The following RNASEL variants were observed in gnomAD, a reference collection of about 807,000 sequenced individuals.
The protein encoded by RNASEL is ribonuclease L, also known as 2-5A-dependent ribonuclease.
A neutral mutation model predicts 50.9 loss-of-function variants in RNASEL; 36 were observed. That is an observed-to-expected ratio of 0.71 (90% confidence interval 0.54 to 0.93). The LOEUF is 0.93. RNASEL is among the 40% of genes least tolerant of loss of function. The probability of loss-of-function intolerance (pLI) is 0.00; values close to 1 mark genes in which losing one functional copy is unlikely to be tolerated. For synonymous variants in RNASEL, 335 were observed against 335.6 expected (o/e 1.00, Z 0.02); for missense variants, 860 against 894.5 (o/e 0.96, Z 0.49).
Position 182,575,464 on chromosome 1 carries a change from T to C in RNASEL, c.2154A>G (p.Gln718=), listed in dbSNP as rs138303340. 5 of 1,614,070 alleles carry C rather than the reference T, an allele frequency of 3.1e-6. No homozygotes were observed. The African/African-American group carries it at 5.3e-5, about 17-fold the overall frequency. ...QNTEYRKHFP[Q]THSPNKPQCD... is the part of the protein sequence containing the mutation. ...ACTGAGGCTTGTTTGGACTGTGGGTTTGGGGGAAATGCTTTCTATATTCTG... is the reference window on the plus strand; with the variant it reads ...ACTGAGGCTTGTTTGGACTGTGGGTCTGGGGGAAATGCTTTCTATATTCTG... Residue 718 remains glutamine (Q), a synonymous_variant, in exon 7 of 7, where the codon CAA becomes CAG. Coordinates refer to ENST00000367559, the MANE Select transcript of RNASEL (RefSeq NM_021133.4).
chr1:182,580,482 G>C (rs1206101178), intron 5 of RNASEL, among the ~76,000 whole-genome samples: 3 of 152,244 alleles, frequency 2.0e-5, no homozygotes, highest in African/African-American at 7.2e-5. Context: ...ACATGTCCCT[G>C]GGATGCCCAG....
rs1355792230 is a variant in RNASEL at position 182,589,230 on chromosome 1, GC to G, written c.-229del. ...CGCAAAGCCTGGAAGACTGCTTGCAGCCCGAGCAGTTTCCTCCTGCTGCGTC... is the reference window on the plus strand; with the variant it reads ...CGCAAAGCCTGGAAGACTGCTTGCAGCCGAGCAGTTTCCTCCTGCTGCGTC... On this transcript the variant is annotated 5_prime_UTR_variant, in exon 1 of 7. Transcript: ENST00000367559. 4 of 152,288 alleles carry G rather than the reference GC, an allele frequency of 2.6e-5. No individual in the cohort carries two copies. In the East Asian group the frequency reaches 5.8e-4, roughly 22 times the overall value. 9.4% of individuals were successfully genotyped at this position (152,288 alleles called of 1,614,324 possible). A position where few individuals can be genotyped will look rare whatever the true frequency, so the allele number is the denominator to read the frequency against.
At chr1:182,575,656 T>A in intron 6 of RNASEL, 78 bp from the exon 7 acceptor site, 2 of 1,554,298 alleles carry the variant, frequency 1.3e-6, no homozygotes, top group East Asian at 2.3e-5. Context: ...GCCCTGAAGA[T>A]CTCTTTGCTC....
intron 4 of RNASEL, 43 bp from the exon 5 acceptor site, chr1:182,581,400 C>T (rs753526867): frequency 4.3e-6 from 7 of 1,612,370 alleles, no homozygotes; most frequent in Non-Finnish European, 5.9e-6. Flanking sequence ...ATCATCCCAT[C>T]CCTCCCTTTC....
chr1:182,575,476 C>T lies in RNASEL; in HGVS notation c.2142G>A (p.Lys714=). ...TTGGACTGTGGGTTTGGGGGAAATGCTTTCTATATTCTGTGTTCTGTAGTT... is the reference window on the plus strand; with the variant it reads ...TTGGACTGTGGGTTTGGGGGAAATGTTTTCTATATTCTGTGTTCTGTAGTT... ...YTKLQNTEYR[K]HFPQTHSPNK... Residue 714 remains lysine, a synonymous_variant, in exon 7 of 7, where the codon AAG becomes AAA. Transcript: ENST00000367559. The T allele has an allele frequency of 1.2e-6, 2 of 1,614,186 alleles. No homozygotes were observed. Among genetic ancestry groups the T allele is most frequent in the Non-Finnish European group, 1.7e-6 (2 of 1,180,020 alleles).
chr1:182,577,532 A>C (rs1299058115), intron 5 of RNASEL, among the ~76,000 whole-genome samples: 1 of 152,170 alleles, frequency 6.6e-6, no homozygotes, highest in Admixed American at 6.5e-5. Flanking sequence ...AGGAATAACT[A>C]ATATTGTTAA....
In RNASEL at chr1:182,574,033, CA is replaced by C; in HGVS notation, c.*1358del. Reference sequence around the variant, plus strand: ...TTTCTAACCTTAGTTTCCTCATCAGCAAAATAGGGATAACAATGTTGACCTT... The same window carrying C: ...TTTCTAACCTTAGTTTCCTCATCAGCAAATAGGGATAACAATGTTGACCTT... On this transcript the variant is annotated 3_prime_UTR_variant, in exon 7 of 7. Coordinates refer to ENST00000367559, the MANE Select transcript of RNASEL (RefSeq NM_021133.4). 5.0e-6 allele frequency: 1 copy of C among 201,902 alleles called. No individual in the cohort carries two copies. The highest frequency in any genetic ancestry group is 1.0e-5 in the Non-Finnish European group (1 of 98,302). The allele number at this position is 201,902 out of a possible 1,614,324, so 12.5% of individuals were successfully genotyped here.
At chr1:182,581,473 CTTTTTTTTT>C (rs1011639686) in intron 4 of RNASEL, 116 bp from the exon 5 acceptor site, 13 of 294,824 alleles carry the variant, frequency 4.4e-5, no homozygotes, top group East Asian at 2.6e-4. Context: ...GTTTTTCTTT[CTTTTTTTTT>C]TTTTTTTTTT....
At chr1:182,581,453 T>C in intron 4 of RNASEL, 96 bp from the exon 5 acceptor site, 4 of 1,370,166 alleles carry the variant, frequency 2.9e-6, no homozygotes, top group Non-Finnish European at 4.1e-6. Flanking sequence ...GTGTTTTTTG[T>C]GCTTTCTTGG....
intron 5 of RNASEL, among the ~76,000 whole-genome samples, chr1:182,577,436 A>G (rs1487143126): frequency 1.3e-5 from 2 of 152,190 alleles, no homozygotes; most frequent in Non-Finnish European, 2.9e-5. Flanking sequence ...TAAAAGGGCT[A>G]TTCAGACTGA....
chr1:182,576,107 G>T, intron 6 of RNASEL, 149 bp downstream of exon 6: 1 of 724,336 alleles, frequency 1.4e-6, no homozygotes, highest in Non-Finnish European at 2.3e-6. Flanking sequence ...AGGCAACAGT[G>T]ATAGCCCTTT....
At position 182,574,754 on chromosome 1, in the gene RNASEL, T is replaced by A. The variant is rs986567724; in HGVS notation, c.*638A>T. The A allele has an allele frequency of 8.6e-6, 2 of 232,100 alleles. No individual in the cohort carries two copies. The highest frequency in any genetic ancestry group is 1.7e-5 in the Non-Finnish European group (2 of 117,916). 14.4% of individuals were successfully genotyped at this position (232,100 alleles called of 1,614,324 possible). ...CCAGTTGAGAACTACTGCCTTAAGGTCATGGAAAACCAATGCAGTTGGTTC... is the reference window on the plus strand; with the variant it reads ...CCAGTTGAGAACTACTGCCTTAAGGACATGGAAAACCAATGCAGTTGGTTC... On this transcript the variant is annotated 3_prime_UTR_variant, in exon 7 of 7. Transcript: ENST00000367559.
In RNASEL at chr1:182,576,374, T is replaced by A. The variant is rs1255666602; in HGVS notation, c.1921A>T (p.Met641Leu). The A allele has an allele frequency of 6.3e-7, 1 of 1,580,848 alleles. No individual in the cohort carries two copies. Among genetic ancestry groups the A allele is most frequent in the Non-Finnish European group, 8.7e-7 (1 of 1,152,102 alleles). Residue 641 changes from methionine (M) to leucine (L), a missense_variant, in exon 6 of 7, where the codon ATG becomes TTG. Physicochemically the swap from Met to Leu is conservative, Grantham distance 15. Coordinates refer to ENST00000367559, the MANE Select transcript of RNASEL (RefSeq NM_021133.4). ...KWTTKINECV[M>L]KKMNKFYEKR... ...TCATAAAACTTATTCATTTTTTTCATAACACATTCATTAATCTAAAAAAAC... is the reference window on the plus strand; with the variant it reads ...TCATAAAACTTATTCATTTTTTTCAAAACACATTCATTAATCTAAAAAAAC...
intron 5 of RNASEL, among the ~76,000 whole-genome samples, chr1:182,580,328 T>C (rs1370564857): frequency 6.6e-6 from 1 of 152,200 alleles, no homozygotes; most frequent in East Asian, 1.9e-4. Flanking sequence ...CCAGTAATTA[T>C]GAGTGTGATG....
chr1:182,580,461 T>C (rs1295626644), intron 5 of RNASEL, among the ~76,000 whole-genome samples: 2 of 152,244 alleles, frequency 1.3e-5, no homozygotes, highest in Non-Finnish European at 2.9e-5. Context: ...GGTTCTCCCA[T>C]AGTGCTTTGC....
Position 182,574,519 on chromosome 1 carries a change from C to G in RNASEL, c.*873G>C, listed in dbSNP as rs1048256. Reference sequence around the variant, plus strand: ...GCCTTAAGCTAGTTCAAAAGCATCCCAGCCCCTTAAGTCAGGTTTTCTCAA... The same window carrying G: ...GCCTTAAGCTAGTTCAAAAGCATCCGAGCCCCTTAAGTCAGGTTTTCTCAA... On this transcript the variant is annotated 3_prime_UTR_variant, in exon 7 of 7. Transcript: ENST00000367559. 1 of 232,228 alleles carries G rather than the reference C, an allele frequency of 4.3e-6. No homozygotes were observed. The highest frequency in any genetic ancestry group is 2.2e-5 in the African/African-American group (1 of 45,240). 14.4% of individuals were successfully genotyped at this position (232,228 alleles called of 1,614,324 possible).
At chr1:182,580,795 G>A (rs1571265625) in intron 5 of RNASEL, among the ~76,000 whole-genome samples, 1 of 152,222 alleles carries the variant, frequency 6.6e-6, no homozygotes, top group South Asian at 2.1e-4. Context: ...TGTGGATCCT[G>A]AGAGCTGGGC....
At chr1:182,579,111 A>T in intron 5 of RNASEL, 1 of 348,250 alleles carries the variant, frequency 2.9e-6, no homozygotes, top group Non-Finnish European at 4.0e-6. Context: ...ATGAGAAATT[A>T]CTTAATGGGT....
Position 182,576,288 on chromosome 1 carries a change from C to T in RNASEL, c.2007G>A (p.Leu669=), listed in dbSNP as rs1661376775. The change falls in exon 6 of 7, where the codon TTG becomes TTA. Residue 669 remains leucine, a synonymous_variant. Coordinates refer to ENST00000367559, the MANE Select transcript of RNASEL (RefSeq NM_021133.4). ...GCTTTTCTTCATCAATGTGTTCTCC[C>T]AAATTCCGGATGAACTTTAGCAGAT... The part of the protein sequence containing the change: ...VGDLLKFIRN[L]GEHIDEEKHK... 6.2e-7 allele frequency: 1 copy of T among 1,612,170 alleles called. No homozygotes were observed. Among genetic ancestry groups the T allele is most frequent in the Non-Finnish European group, 8.5e-7 (1 of 1,179,024 alleles).
Sources: gnomAD v4.1 joint callset for allele counts (sites outside exome capture counted in the v4.1 genomes callset) on GRCh38, gnomAD v4.1.1 for gene constraint, MANE v1.5 for transcripts, NCBI Gene and HGNC (gene_info 2026-07-23, HGNC 2026-07-21) for gene names.